The following PTPRD variants were observed in gnomAD, a reference collection of about 807,000 sequenced individuals.
The protein encoded by PTPRD is protein tyrosine phosphatase receptor type D.
PTPRD carries 34 observed loss-of-function variants against 214.5 expected under a neutral mutation model. The ratio of observed to expected loss-of-function variants is 0.16; its 90% CI spans 0.12 to 0.21. The LOEUF is 0.21. Ranked by LOEUF, PTPRD falls within the 10% of genes least tolerant of loss-of-function variation. The pLI is 1.00. For missense variants in PTPRD, 2,545 were observed against 2,398.7 expected (o/e 1.06, Z -1.27); for synonymous variants, 1,128 against 845.7 (o/e 1.33, Z -5.79).
chr9:10,387,765 G>C (rs1348871178), intron 2 of PTPRD, among the ~76,000 whole-genome samples: 1 of 145,802 alleles, frequency 6.9e-6, no homozygotes, highest in Non-Finnish European at 1.5e-5. Flanking sequence ...TTACAGCTGA[G>C]CTAGTCATTA....
chr9:9,776,483 A>G (rs1202500779), intron 5 of PTPRD, among the ~76,000 whole-genome samples: 2 of 152,224 alleles, frequency 1.3e-5, no homozygotes, highest in East Asian at 3.8e-4. Flanking sequence ...AGCATCTAGC[A>G]TAATGCCTGG....
At chr9:9,062,331 A>G (rs1267940564) in intron 10 of PTPRD, among the ~76,000 whole-genome samples, 4 of 152,218 alleles carry the variant, frequency 2.6e-5, no homozygotes. Flanking sequence ...ACTAATTAGT[A>G]AGCAACTGAT....
At chr9:10,158,293 C>A (rs1446590059) in intron 3 of PTPRD, among the ~76,000 whole-genome samples, 1 of 152,178 alleles carries the variant, frequency 6.6e-6, no homozygotes, top group East Asian at 1.9e-4. Flanking sequence ...CAGGCGTGAG[C>A]CACTGCACCC....
chr9:9,936,299 A>G (rs1422019629), intron 5 of PTPRD, among the ~76,000 whole-genome samples: 3 of 151,582 alleles, frequency 2.0e-5, no homozygotes, highest in Non-Finnish European at 4.4e-5. Flanking sequence ...GCAACCTAAA[A>G]AATGGGAGAA....
chr9:10,466,122 T>C (rs1280552119), intron 2 of PTPRD, among the ~76,000 whole-genome samples: 1 of 152,198 alleles, frequency 6.6e-6, no homozygotes, highest in Non-Finnish European at 1.5e-5. Flanking sequence ...AAATCTTTTC[T>C]TCACGGTATT....
Position 9,127,183 on chromosome 9 carries a change from G to A in PTPRD, c.-143+56121C>T, listed in dbSNP as rs552951855. On this transcript the variant is annotated intron_variant, in intron 10 of 45. Transcript: ENST00000381196. ...GACTCACCTCATGTGCACTTCTTTG[G>A]GATGTATGGGAAAACGAGAATACCT... 3.9e-5 allele frequency among the ~76,000 whole-genome samples: 6 copies of A among 152,230 alleles called. No individual in the cohort carries two copies. In the South Asian group the frequency reaches 1.2e-3, roughly 32 times the overall value.
intron 7 of PTPRD, among the ~76,000 whole-genome samples, chr9:9,630,464 C>T (rs2095555265): frequency 6.6e-6 from 1 of 152,060 alleles, no homozygotes; most frequent in African/African-American, 2.4e-5. Flanking sequence ...ACAGCACTAG[C>T]CTGAAGTGAC....
chr9:9,567,570 A>G (rs1420419559), intron 8 of PTPRD, among the ~76,000 whole-genome samples: 1 of 151,992 alleles, frequency 6.6e-6, no homozygotes, highest in Non-Finnish European at 1.5e-5. Flanking sequence ...CATTTTATCT[A>G]TTATTGCCTC....
intron 35 of PTPRD, among the ~76,000 whole-genome samples, chr9:8,433,988 C>CTTGTTTGT (rs950672448): frequency 7.6e-6 from 1 of 130,836 alleles, no homozygotes; most frequent in Non-Finnish European, 1.6e-5. Flanking sequence ...TGTTTGTTTG[C>CTTGTTTGT]TTGTTTGTTT....
At chr9:9,711,626 T>C (rs1214673879) in intron 7 of PTPRD, among the ~76,000 whole-genome samples, 1 of 152,106 alleles carries the variant, frequency 6.6e-6, no homozygotes, top group Non-Finnish European at 1.5e-5. Context: ...CAACAAAGGG[T>C]AAACTTACTC....
At chr9:10,007,575 C>T (rs973635168) in intron 4 of PTPRD, among the ~76,000 whole-genome samples, 1 of 151,878 alleles carries the variant, frequency 6.6e-6, no homozygotes, top group Admixed American at 6.6e-5. Flanking sequence ...CTCACGAATG[C>T]CTTCTGGTCA....
chr9:8,761,615 G>C (rs1388808278), intron 11 of PTPRD, among the ~76,000 whole-genome samples: 4 of 152,142 alleles, frequency 2.6e-5, no homozygotes, highest in Admixed American at 1.3e-4. Flanking sequence ...GTCTCCTAAG[G>C]AGTTACAATC....
At chr9:10,110,843 A>G (rs767087272) in intron 3 of PTPRD, among the ~76,000 whole-genome samples, 28 of 152,326 alleles carry the variant, frequency 1.8e-4, no homozygotes, top group Admixed American at 4.6e-4. Context: ...ATGAGACTTA[A>G]TTTCATAATA....
chr9:9,815,688 C>G (rs1565475914), intron 5 of PTPRD, among the ~76,000 whole-genome samples: 2 of 151,960 alleles, frequency 1.3e-5, no homozygotes, highest in Admixed American at 6.6e-5. Context: ...TATGTGGAAT[C>G]TAAAAAGTCG....
At chr9:9,046,628 T>C (rs2099672865) in intron 10 of PTPRD, among the ~76,000 whole-genome samples, 1 of 152,176 alleles carries the variant, frequency 6.6e-6, no homozygotes, top group Admixed American at 6.6e-5. Flanking sequence ...ATAGGGGTCA[T>C]ATAACTTTTT....
intron 3 of PTPRD, among the ~76,000 whole-genome samples, chr9:10,205,764 T>C (rs1427376589): frequency 6.6e-6 from 1 of 152,150 alleles, no homozygotes; most frequent in Non-Finnish European, 1.5e-5. Context: ...AAATAATATA[T>C]ATCTAGAATT....
At chr9:10,132,747 T>C (rs754675727) in intron 3 of PTPRD, among the ~76,000 whole-genome samples, 1 of 152,184 alleles carries the variant, frequency 6.6e-6, no homozygotes, top group Non-Finnish European at 1.5e-5. Context: ...GTCATGCTTC[T>C]GCTCCTTCTA....
At chr9:10,584,572 C>G (rs1489650289) in intron 2 of PTPRD, among the ~76,000 whole-genome samples, 36 of 152,126 alleles carry the variant, frequency 2.4e-4, no homozygotes, top group Admixed American at 2.4e-3. Context: ...TGGTAGACTT[C>G]TTTACATTTT....
At chr9:8,628,208 G>T (rs1024232533) in intron 14 of PTPRD, among the ~76,000 whole-genome samples, 2 of 151,756 alleles carry the variant, frequency 1.3e-5, no homozygotes, top group Admixed American at 1.3e-4. Context: ...GGACAACTGT[G>T]TTCATCTTCA....
Sources: gnomAD v4.1 joint callset for allele counts (sites outside exome capture counted in the v4.1 genomes callset) on GRCh38, gnomAD v4.1.1 for gene constraint, MANE v1.5 for transcripts, NCBI Gene and HGNC (gene_info 2026-07-23, HGNC 2026-07-21) for gene names.